The following LIN9 variants were observed in gnomAD, a reference collection of about 807,000 sequenced individuals.
The protein encoded by LIN9 is lin-9 DREAM MuvB core complex component, also known as protein lin-9 homolog.
A neutral mutation model predicts 78.0 loss-of-function variants in LIN9; 18 were observed. The ratio of observed to expected loss-of-function variants is 0.23; its 90% CI spans 0.16 to 0.34. LIN9 has a LOEUF of 0.34. Ranked by LOEUF, LIN9 falls within the 10% of genes least tolerant of loss-of-function variation. LIN9 has a pLI of 1.00. For synonymous variants in LIN9, 192 were observed against 215.2 expected (o/e 0.89, Z 0.94); for missense variants, 451 against 644.1 (o/e 0.70, Z 3.25).
At chr1:226,234,758 CAT>C (rs1200627760) in intron 12 of LIN9, among the ~76,000 whole-genome samples, 1 of 152,082 alleles carries the variant, frequency 6.6e-6, no homozygotes, top group Non-Finnish European at 1.5e-5. Context: ...ATACATATAG[CAT>C]AAAGATAAAA....
intron 3 of LIN9, among the ~76,000 whole-genome samples, chr1:226,296,660 G>C (rs774837131): frequency 6.6e-6 from 1 of 152,126 alleles, no homozygotes; most frequent in African/African-American, 2.4e-5. Flanking sequence ...CTATTTGGAA[G>C]AGAAACAGGT....
intron 3 of LIN9, among the ~76,000 whole-genome samples, chr1:226,297,075 C>T (rs1393517832): frequency 6.6e-6 from 1 of 152,116 alleles, no homozygotes; most frequent in Non-Finnish European, 1.5e-5. Context: ...TTCTACACTG[C>T]CCCCCTTCCC....
chr1:226,306,183 G>A (rs1262364733), intron 1 of LIN9, among the ~76,000 whole-genome samples: 3 of 152,076 alleles, frequency 2.0e-5, no homozygotes, highest in African/African-American at 7.2e-5. Flanking sequence ...GAATTAGCCA[G>A]GTGTGGTGGC....
rs1576289507 is a variant in LIN9, at chr1:226,249,487, C to A, written c.1119+1352G>T. On this transcript the variant is annotated intron_variant, in intron 11 of 14. Transcript: ENST00000681046. ...GCTGAAATCACCTGACATTTTTGGT[C>A]TTAAAAATTCAGTAATTTTTGGATA... Among the ~76,000 whole-genome samples the A allele has an allele frequency of 2.6e-5, 4 of 152,228 alleles. No homozygotes were observed. In the East Asian group the frequency reaches 7.7e-4, roughly 29 times the overall value.
chr1:226,258,946 G>A (rs1240210352), intron 10 of LIN9, among the ~76,000 whole-genome samples: 2 of 144,158 alleles, frequency 1.4e-5, no homozygotes, highest in East Asian at 2.0e-4. Flanking sequence ...ATGAGAAAGG[G>A]GTCAATGTTC....
At chr1:226,237,737 C>T (rs1422363357) in intron 12 of LIN9, among the ~76,000 whole-genome samples, 3 of 151,326 alleles carry the variant, frequency 2.0e-5, no homozygotes, top group Non-Finnish European at 4.4e-5. Context: ...CACTTGAGGT[C>T]AGGAGTTCGA....
intron 10 of LIN9, among the ~76,000 whole-genome samples, chr1:226,262,810 T>TA (rs1369540393): frequency 2.0e-5 from 3 of 152,196 alleles, no homozygotes; most frequent in African/African-American, 4.8e-5. Flanking sequence ...GCTGAAAACT[T>TA]ACGGCCACAC....
At chr1:226,245,428 TCC>T (rs34415897) in intron 11 of LIN9, among the ~76,000 whole-genome samples, 28 of 150,964 alleles carry the variant, frequency 1.9e-4, no homozygotes, top group South Asian at 8.4e-4. Flanking sequence ...TTGTCTTTTT[TCC>T]CCCCCCCCAA....
At chr1:226,267,918 CA>C in intron 8 of LIN9, 38 bp downstream of exon 8, 2 of 1,579,870 alleles carry the variant, frequency 1.3e-6, no homozygotes, top group Non-Finnish European at 1.7e-6. Flanking sequence ...ACACATTTAA[CA>C]GGCATAAAAC....
In LIN9 at chr1:226,232,353, G is replaced by A. The variant is rs1174162787; in HGVS notation, c.*148C>T. 1 of 474,050 alleles carries A rather than the reference G, an allele frequency of 2.1e-6. No individual in the cohort carries two copies. The highest frequency in any genetic ancestry group is 3.7e-6 in the Non-Finnish European group (1 of 268,392). The allele number at this position is 474,050 out of a possible 1,614,324, so 29.4% of individuals were successfully genotyped here. A position where few individuals can be genotyped will look rare whatever the true frequency, so the allele number is the denominator to read the frequency against. On this transcript the variant is annotated 3_prime_UTR_variant, in exon 15 of 15. Transcript: ENST00000681046. ...CTGGTCAGCAATGCTGGTTTAAGAA[G>A]CAGTACAGTCTATTAAAATGCCTTA... is the stretch of plus-strand genomic sequence containing the variant.
At chr1:226,238,892 A>G in intron 12 of LIN9, 79 bp downstream of exon 12, 1 of 1,421,072 alleles carries the variant, frequency 7.0e-7, no homozygotes, top group Non-Finnish European at 9.7e-7. Context: ...TTGGCTTGGT[A>G]TGGATTTTCT....
intron 7 of LIN9, among the ~76,000 whole-genome samples, chr1:226,272,344 C>T (rs1324598800): frequency 6.6e-6 from 1 of 151,382 alleles, no homozygotes; most frequent in Non-Finnish European, 1.5e-5. Flanking sequence ...GCATGAGCCA[C>T]CATGCCCAGC....
intron 12 of LIN9, 60 bp from the exon 13 acceptor site, chr1:226,233,583 T>C: frequency 7.5e-7 from 1 of 1,330,180 alleles, no homozygotes; most frequent in South Asian, 1.7e-5. Context: ...TATTTCTGTA[T>C]GTGTTTGTGC....
intron 10 of LIN9, among the ~76,000 whole-genome samples, chr1:226,257,799 C>T (rs958083939): frequency 6.6e-5 from 10 of 152,000 alleles, no homozygotes; most frequent in African/African-American, 1.5e-4. Context: ...GTAATAAACA[C>T]GGTAGATATT....
chr1:226,232,651 T>A (rs1553273725), intron 14 of LIN9, 45 bp from the exon 15 acceptor site: 1 of 1,292,444 alleles, frequency 7.7e-7, no homozygotes. Flanking sequence ...TTCAAAAAAT[T>A]AAGAAAAAAA....
chr1:226,300,144 G>A (rs1187214585), intron 2 of LIN9, among the ~76,000 whole-genome samples: 2 of 152,064 alleles, frequency 1.3e-5, no homozygotes, highest in Non-Finnish European at 2.9e-5. Context: ...CACCTTGTTA[G>A]CCAGGCTAAT....
intron 7 of LIN9, among the ~76,000 whole-genome samples, chr1:226,275,548 T>A (rs557166569): frequency 6.6e-6 from 1 of 151,234 alleles, no homozygotes; most frequent in African/African-American, 2.4e-5. Context: ...ACAAAATATG[T>A]CGGGTGTGGT....
chr1:226,290,511 T>G (rs1661701047), intron 4 of LIN9, among the ~76,000 whole-genome samples: 1 of 151,530 alleles, frequency 6.6e-6, no homozygotes, highest in African/African-American at 2.4e-5. Context: ...CGGCTAATTT[T>G]TTGTATTTTT....
intron 6 of LIN9, among the ~76,000 whole-genome samples, chr1:226,279,377 T>C (rs1660893841): frequency 1.3e-5 from 2 of 151,780 alleles, no homozygotes; most frequent in Non-Finnish European, 2.9e-5. Context: ...GAGGATCATT[T>C]GAGCCCAGGA....
Sources: allele counts gnomAD v4.1 joint callset (sites outside exome capture counted in the v4.1 genomes callset), GRCh38; gene constraint gnomAD v4.1.1; transcripts MANE v1.5; gene names NCBI Gene and HGNC (gene_info 2026-07-23, HGNC 2026-07-21).